USP24: variants seen among roughly 807,000 people sequenced by gnomAD.
USP24 encodes ubiquitin carboxyl-terminal hydrolase 24.
In USP24, 97 loss-of-function variants were observed where a neutral mutation model predicts 361.6. The ratio of observed to expected loss-of-function variants is 0.27; its 90% CI spans 0.23 to 0.32. The LOEUF (loss-of-function observed/expected upper bound fraction) is 0.32. USP24 is among the 10% of genes least tolerant of loss of function. The probability of loss-of-function intolerance (pLI) is 1.00; values close to 1 mark genes in which losing one functional copy is unlikely to be tolerated. For synonymous variants in USP24, 1,098 were observed against 1,124.6 expected (o/e 0.98, Z 0.47); for missense variants, 2,353 against 3,165.6 (o/e 0.74, Z 6.16).
chr1:55,160,587 G>A (rs1446611548), intron 8 of USP24, among the ~76,000 whole-genome samples: 1 of 152,158 alleles, frequency 6.6e-6, no homozygotes, highest in Non-Finnish European at 1.5e-5. Flanking sequence ...TGTATTATAT[G>A]AGTTTATTGC....
chr1:55,077,364 T>C (rs1645050265), intron 61 of USP24, 64 bp from the exon 62 acceptor site: 2 of 1,407,532 alleles, frequency 1.4e-6, no homozygotes, highest in Admixed American at 2.1e-5. Context: ...CAATTAACAA[T>C]GCTGGATCCA....
intron 10 of USP24, 145 bp downstream of exon 10, chr1:55,158,730 TACA>T (rs1208169204): frequency 4.3e-6 from 3 of 690,750 alleles, no homozygotes; most frequent in Non-Finnish European, 6.1e-6. Context: ...AACAATTATA[TACA>T]ACATTTTATA....
chr1:55,119,124 T>C (rs915855164), intron 38 of USP24, among the ~76,000 whole-genome samples: 9 of 152,220 alleles, frequency 5.9e-5, no homozygotes, highest in African/African-American at 2.2e-4. Flanking sequence ...TGCATACCCA[T>C]GTTTGTAGCT....
chr1:55,175,084 A>T (rs942011688), intron 3 of USP24, among the ~76,000 whole-genome samples: 2 of 152,002 alleles, frequency 1.3e-5, no homozygotes, highest in African/African-American at 4.8e-5. Context: ...TCCATTTTTT[A>T]AAAAATGAAG....
intron 22 of USP24, 44 bp from the exon 23 acceptor site, chr1:55,142,839 T>C (rs1646927556): frequency 1.4e-6 from 2 of 1,454,302 alleles, no homozygotes; most frequent in Non-Finnish European, 1.9e-6. Flanking sequence ...TGACATTTAG[T>C]TGTAATCATT....
chr1:55,079,793 T>TGTGTACTCTCACAGAGTACTCACACA, intron 59 of USP24, 134 bp from the exon 60 acceptor site: 3 of 1,051,220 alleles, frequency 2.9e-6, no homozygotes, highest in Non-Finnish European at 2.6e-6. Flanking sequence ...ACTCACACAC[T>TGTGTACTCTCACAGAGTACTCACACA]GAGTACTCAC....
At chr1:55,092,223 A>C in intron 53 of USP24, 97 bp from the exon 54 acceptor site, 1 of 732,158 alleles carries the variant, frequency 1.4e-6, no homozygotes, top group Non-Finnish European at 2.2e-6. Flanking sequence ...ACAATATATG[A>C]ATATGATATA....
At chr1:55,096,750 T>C (rs902535071) in intron 49 of USP24, 128 bp from the exon 50 acceptor site, 17 of 1,409,870 alleles carry the variant, frequency 1.2e-5, no homozygotes, top group South Asian at 1.0e-4. Flanking sequence ...CTAAGAAATA[T>C]GTAGCAACAA....
intron 1 of USP24, among the ~76,000 whole-genome samples, chr1:55,184,034 G>A (rs912641466): frequency 6.6e-6 from 1 of 152,118 alleles, no homozygotes; most frequent in African/African-American, 2.4e-5. Flanking sequence ...CTAGAGACAA[G>A]AAAGGCTGTT....
chr1:55,164,543 T>G (rs1448348476), intron 7 of USP24, among the ~76,000 whole-genome samples: 2 of 152,082 alleles, frequency 1.3e-5, no homozygotes, highest in African/African-American at 4.8e-5. Flanking sequence ...ACCTGTCTCC[T>G]ACAAAAGTCC....
chr1:55,089,715 T>A lies in USP24; in HGVS notation c.6580A>T (p.Thr2194Ser). Residue 2194 changes from threonine (T) to serine (S), a missense_variant, in exon 55 of 68, where the codon ACC (threonine) becomes TCC (serine). By Grantham distance (58) the Thr-to-Ser change is moderately conservative (BLOSUM62 1). This residue lies in a region of USP24 where 598 missense variants were observed against 761.9 expected (regional missense o/e 0.78). Transcript: ENST00000294383. Reference sequence around the variant, plus strand: ...CTTTTTGAAAGCAATGCTTCAATGGTAGCAATCCATTCTTCAGTATCAACC... The same window carrying A: ...CTTTTTGAAAGCAATGCTTCAATGGAAGCAATCCATTCTTCAGTATCAACC... ...LRVDTEEWIATIEALLSKSFD... is the reference protein window; with the variant it reads ...LRVDTEEWIASIEALLSKSFD... 1 of 1,600,778 alleles carries A rather than the reference T, an allele frequency of 6.2e-7. No homozygotes were observed. Among genetic ancestry groups the A allele is most frequent in the Non-Finnish European group, 8.5e-7 (1 of 1,172,896 alleles).
intron 1 of USP24, among the ~76,000 whole-genome samples, chr1:55,211,234 G>C (rs1029893617): frequency 1.3e-5 from 2 of 152,180 alleles, no homozygotes; most frequent in Non-Finnish European, 2.9e-5. Context: ...AAGTTATTTA[G>C]AGCAGCTGTG....
intron 67 of USP24, chr1:55,071,596 G>C: frequency 8.0e-7 from 1 of 1,251,032 alleles, no homozygotes; most frequent in Non-Finnish European, 1.1e-6. Context: ...CAAACACCTC[G>C]AGGCCTTCCA....
chr1:55,184,595 T>C (rs969542332), intron 1 of USP24, among the ~76,000 whole-genome samples: 2 of 152,200 alleles, frequency 1.3e-5, no homozygotes, highest in East Asian at 1.9e-4. Context: ...CTAAAACACA[T>C]TTACAGAACT....
intron 1 of USP24, among the ~76,000 whole-genome samples, chr1:55,197,950 G>A (rs1043875792): frequency 2.0e-5 from 3 of 152,070 alleles, no homozygotes; most frequent in African/African-American, 7.2e-5. Context: ...TTATAACTAC[G>A]AAGGGTTTCT....
At position 55,097,723 on chromosome 1, in the gene USP24, G is replaced by GA. The variant is rs566850125; in HGVS notation, c.5596-7dup. The stretch of plus-strand genomic sequence containing the variant: ...GTCCTTTTCACTGTTATTCTCTAAA[G>GA]AAAAAAAAAAGGAAAAAGAGCAAAT... On this transcript the variant is annotated splice_polypyrimidine_tract_variant and splice_region_variant and intron_variant, in intron 47 of 67. Transcript: ENST00000294383. 9,472 of 1,181,188 alleles carry GA rather than the reference G, an allele frequency of 8.0e-3. No homozygotes were observed. The highest frequency in any genetic ancestry group is 0.023 in the South Asian group (1,237 of 52,806). The allele number at this position is 1,181,188 out of a possible 1,614,324, so 73.2% of individuals were successfully genotyped here.
At chr1:55,133,471 C>T (rs987809677) in intron 30 of USP24, among the ~76,000 whole-genome samples, 1 of 152,142 alleles carries the variant, frequency 6.6e-6, no homozygotes, top group African/African-American at 2.4e-5. Context: ...CTTCATCCCT[C>T]TGAGCTTTGG....
In USP24 at chr1:55,147,654, G is replaced by A. The variant is rs564574893; in HGVS notation, c.2113C>T (p.Arg705Trp). ...AAAAACACAAGGCCTGATACCTCCCGGTAAGTGTACCGGCCATCCACTAGT... is the reference window on the plus strand; with the variant it reads ...AAAAACACAAGGCCTGATACCTCCCAGTAAGTGTACCGGCCATCCACTAGT... ...STLVDGRYTY[R>W]EYLEAHLKFL... The change falls in exon 18 of 68, where the codon CGG becomes TGG. Residue 705 changes from arginine (R) to tryptophan (W), a missense_variant. By Grantham distance (101) the Arg-to-Trp change is moderately radical. This residue lies in a region of USP24 where 949 missense variants were observed against 1,280.5 expected (regional missense o/e 0.74). Transcript: ENST00000294383. The A allele has an allele frequency of 1.0e-5, 16 of 1,604,790 alleles. No homozygotes were observed. The highest frequency in any genetic ancestry group is 5.6e-5 in the South Asian group (5 of 89,458).
chr1:55,162,178 T>A, intron 8 of USP24, 21 bp downstream of exon 8: 1 of 1,575,988 alleles, frequency 6.3e-7, no homozygotes, highest in East Asian at 2.4e-5. Flanking sequence ...TATGAAGTAA[T>A]GTGAAATGGT....
Sources: gnomAD v4.1 joint callset for allele counts (sites outside exome capture counted in the v4.1 genomes callset) on GRCh38, gnomAD v4.1.1 for gene constraint, gnomAD v4.1.1 regional missense constraint, MANE v1.5 for transcripts, NCBI Gene and HGNC (gene_info 2026-07-23, HGNC 2026-07-21) for gene names.